The following PIK3R3 variants were observed in gnomAD, a reference collection of about 807,000 sequenced individuals.
The protein encoded by PIK3R3 is phosphoinositide-3-kinase regulatory subunit 3.
Under a neutral mutation model 62.9 loss-of-function variants are expected in PIK3R3, and 64 were observed. That is an observed-to-expected ratio of 1.02 (90% CI 0.83 to 1.25). The LOEUF is 1.25. PIK3R3 is among the 50% of genes most tolerant of loss of function. The pLI is 0.00. For missense variants in PIK3R3, 614 were observed against 561.6 expected (o/e 1.09, Z -0.94); for synonymous variants, 165 against 189.0 (o/e 0.87, Z 1.04).
chr1:46,139,089 TATG>T, the PIK3R3 span: 1 of 152,196 alleles, frequency 6.6e-6, no homozygotes, highest in African/African-American at 2.4e-5. Flanking sequence ...AAATATGCAA[TATG>T]ATAATTGTGC....
the PIK3R3 span, among the ~76,000 whole-genome samples, chr1:46,165,504 C>T: frequency 2.6e-5 from 4 of 151,556 alleles, no homozygotes; most frequent in African/African-American, 9.7e-5. Flanking sequence ...GGGGTTTACT[C>T]CATGTTGGTC....
rs9429092 is a variant in PIK3R3 at position 46,079,074 on chromosome 1, G to A, written c.216-1461C>T. On this transcript the variant is annotated intron_variant, in intron 2 of 9. Coordinates refer to ENST00000262741, the MANE Select transcript of PIK3R3 (RefSeq NM_003629.4). ...ATGATAGCTGCACAACAATGCAAAT[G>A]TACTCTTAAAATAGTTGAAATCGTA... is the stretch of plus-strand genomic sequence containing the variant. Among the ~76,000 whole-genome samples the A allele has an allele frequency of 1.6e-3, 233 of 150,086 alleles. 4 individuals carry two copies. Among genetic ancestry groups the A allele is most frequent in the African/African-American group, 5.6e-3 (229 of 40,822 alleles).
intron 1 of PIK3R3, among the ~76,000 whole-genome samples, chr1:46,083,131 G>A (rs1284058186): frequency 1.3e-5 from 2 of 152,020 alleles, no homozygotes; most frequent in Admixed American, 6.6e-5. Context: ...TTTCAACATG[G>A]ATGTCAAAAT....
Position 46,131,961 on chromosome 1 carries a change from CAG to C in PIK3R3, c.-11_-10del. The C allele has an allele frequency of 1.2e-6, 2 of 1,613,716 alleles. No homozygotes were observed. Among genetic ancestry groups the C allele is most frequent in the South Asian group, 2.2e-5 (2 of 90,996 alleles). On this transcript the variant is annotated 5_prime_UTR_variant, in exon 1 of 10. An upstream open reading frame in the 5' UTR loses its in-frame stop. Coordinates refer to ENST00000262741, the MANE Select transcript of PIK3R3 (RefSeq NM_003629.4). ...CACACCGTATTGTACATCGCGCTGT[CAG>C]GGGCAGGTCGCCAGGAGATATATAG...
At chr1:46,131,625 T>TTCC in intron 1 of PIK3R3, 1 of 323,914 alleles carries the variant, frequency 3.1e-6, no homozygotes, top group South Asian at 2.4e-5. Context: ...CACCCCCACT[T>TTCC]CCAGCCCCCA....
At chr1:46,145,371 T>A in the PIK3R3 span, among the ~76,000 whole-genome samples, 27 of 149,916 alleles carry the variant, frequency 1.8e-4, no homozygotes, top group East Asian at 2.0e-3. Flanking sequence ...GATAACTTTT[T>A]AAAAAAAAAA....
the PIK3R3 span, among the ~76,000 whole-genome samples, chr1:46,171,017 T>C: frequency 6.6e-6 from 1 of 152,248 alleles, no homozygotes; most frequent in Non-Finnish European, 1.5e-5. Flanking sequence ...TAGAATTTCA[T>C]GATTTTTTAA....
rs756254670 is a variant in PIK3R3, at chr1:46,131,828, T to G, written c.106+19A>C. ...AATCAGACCCATCACGAGATTCTTTTTTTTTTTCTCCCAAGTACCTGGAGG... is the reference window on the plus strand; with the variant it reads ...AATCAGACCCATCACGAGATTCTTTGTTTTTTTCTCCCAAGTACCTGGAGG... On this transcript the variant is annotated intron_variant, in intron 1 of 9. Coordinates refer to ENST00000262741, the MANE Select transcript of PIK3R3 (RefSeq NM_003629.4). 6 of 1,609,206 alleles carry G rather than the reference T, an allele frequency of 3.7e-6. No individual in the cohort carries two copies. In the Admixed American group the frequency reaches 5.0e-5, roughly 13 times the overall value.
Position 46,040,375 on chromosome 1 carries a change from G to A in PIK3R3, c.*3298C>T, listed in dbSNP as rs750432156. The A allele has an allele frequency of 1.3e-5, 3 of 231,452 alleles. No homozygotes were observed. Among genetic ancestry groups the A allele is most frequent in the Non-Finnish European group, 2.6e-5 (3 of 116,790 alleles). The allele number at this position is 231,452 out of a possible 1,614,324, so 14.3% of individuals were successfully genotyped here. On this transcript the variant is annotated 3_prime_UTR_variant, in exon 10 of 10. Coordinates refer to ENST00000262741, the MANE Select transcript of PIK3R3 (RefSeq NM_003629.4). Reference sequence around the variant, plus strand: ...CACAAGACATACAGTTGGCTTTCTTGTGAGTCAGATATTTTTACGTAAACT... The same window carrying A: ...CACAAGACATACAGTTGGCTTTCTTATGAGTCAGATATTTTTACGTAAACT...
the PIK3R3 span, among the ~76,000 whole-genome samples, chr1:46,160,519 C>T: frequency 3.9e-5 from 6 of 152,202 alleles, no homozygotes; most frequent in Non-Finnish European, 7.3e-5. Flanking sequence ...GCAGCTGAAC[C>T]CAGGAGCTCA....
chr1:46,119,759 G>A (rs1654499099), intron 1 of PIK3R3, among the ~76,000 whole-genome samples: 1 of 148,164 alleles, frequency 6.7e-6, no homozygotes, highest in South Asian at 2.1e-4. Flanking sequence ...ATGTGCCATT[G>A]TAACCAACTC....
chr1:46,158,958 G>A, the PIK3R3 span, among the ~76,000 whole-genome samples: 47 of 152,136 alleles, frequency 3.1e-4, no homozygotes, highest in Admixed American at 2.7e-3. Context: ...GTGGTGGCGC[G>A]TGCCTGCTAT....
chr1:46,070,720 G>A (rs1649403636), intron 3 of PIK3R3, among the ~76,000 whole-genome samples: 1 of 152,162 alleles, frequency 6.6e-6, no homozygotes. Context: ...ATTTAGTCTG[G>A]TGACTACACT....
At chr1:46,118,990 C>T (rs1409246391) in intron 1 of PIK3R3, among the ~76,000 whole-genome samples, 1 of 152,096 alleles carries the variant, frequency 6.6e-6, no homozygotes, top group Non-Finnish European at 1.5e-5. Context: ...AACCCCCATC[C>T]TCACACCTGT....
At chr1:46,071,383 T>G (rs542809910) in intron 3 of PIK3R3, among the ~76,000 whole-genome samples, 1 of 152,136 alleles carries the variant, frequency 6.6e-6, no homozygotes, top group East Asian at 1.9e-4. Flanking sequence ...CATTTTTACC[T>G]TGCGGTTCTG....
rs1160103169 is a variant in PIK3R3, at chr1:46,094,702, C to A, written c.107-13952G>T. 2.6e-5 allele frequency among the ~76,000 whole-genome samples: 4 copies of A among 152,212 alleles called. No homozygotes were observed. The East Asian group carries it at 7.7e-4, about 29-fold the overall frequency. On this transcript the variant is annotated intron_variant, in intron 1 of 9. Transcript: ENST00000262741. ...CTATTTTTCCCCAGTGGAATGATTT[C>A]TCTGTAGTGTGCTCATTAGTAACAC...
intron 1 of PIK3R3, among the ~76,000 whole-genome samples, chr1:46,117,725 C>T (rs1227162829): frequency 6.6e-6 from 1 of 151,680 alleles, no homozygotes; most frequent in East Asian, 1.9e-4. Flanking sequence ...CCAGCCTGGG[C>T]AACAGAGTGA....
At chr1:46,077,825 G>T (rs1040394494) in intron 2 of PIK3R3, among the ~76,000 whole-genome samples, 1 of 152,158 alleles carries the variant, frequency 6.6e-6, no homozygotes, top group African/African-American at 2.4e-5. Flanking sequence ...GCAATCTACA[G>T]AAGAGCTATT....
intron 1 of PIK3R3, among the ~76,000 whole-genome samples, chr1:46,103,263 T>A (rs1017979534): frequency 1.3e-5 from 2 of 152,124 alleles, no homozygotes; most frequent in Non-Finnish European, 2.9e-5. Flanking sequence ...ATGCTTAGTA[T>A]CACTTAACAA....
Sources: allele counts gnomAD v4.1 joint callset (sites outside exome capture counted in the v4.1 genomes callset), GRCh38; gene constraint gnomAD v4.1.1; transcripts MANE v1.5; gene names NCBI Gene and HGNC (gene_info 2026-07-23, HGNC 2026-07-21).